The following MAP2K6 variants were observed in gnomAD, a reference collection of about 807,000 sequenced individuals.
The protein encoded by MAP2K6 is dual specificity mitogen-activated protein kinase kinase 6.
In MAP2K6, 16 loss-of-function variants were observed where a neutral mutation model predicts 53.7. The observed-to-expected ratio is 0.30, with a 90% confidence interval of 0.20 to 0.45. The LOEUF is 0.45. MAP2K6 is among the 20% of genes least tolerant of loss of function. The pLI is 1.00. For synonymous variants in MAP2K6, 132 were observed against 143.1 expected (o/e 0.92, Z 0.55); for missense variants, 204 against 411.9 (o/e 0.50, Z 4.37).
intron 1 of MAP2K6, among the ~76,000 whole-genome samples, chr17:69,415,508 C>A (rs1048704503): frequency 1.3e-5 from 2 of 152,240 alleles, no homozygotes; most frequent in African/African-American, 4.8e-5. Flanking sequence ...CCATTGATAT[C>A]GCCTTGAACA....
chr17:69,460,970 C>T (rs576325073), intron 1 of MAP2K6, among the ~76,000 whole-genome samples: 23 of 152,162 alleles, frequency 1.5e-4, no homozygotes, highest in South Asian at 2.1e-4. Context: ...GTGAGCCGCA[C>T]GGGGAAAGAA....
chr17:69,522,455 T>C (rs192259533), intron 7 of MAP2K6, among the ~76,000 whole-genome samples: 4 of 152,238 alleles, frequency 2.6e-5, no homozygotes, highest in Non-Finnish European at 4.4e-5. Context: ...AAGGGAAAAT[T>C]ATAAAGGATA....
chr17:69,425,918 C>G (rs1906260496), intron 1 of MAP2K6, among the ~76,000 whole-genome samples: 2 of 152,040 alleles, frequency 1.3e-5, no homozygotes, highest in South Asian at 4.1e-4. Flanking sequence ...CCTTGCGAGG[C>G]AGTCTTCACA....
At chr17:69,487,883 A>G (rs1908604732) in intron 1 of MAP2K6, among the ~76,000 whole-genome samples, 1 of 152,238 alleles carries the variant, frequency 6.6e-6, no homozygotes, top group Admixed American at 6.5e-5. Context: ...CCTACAACTT[A>G]AAGAAAATCT....
intron 2 of MAP2K6, among the ~76,000 whole-genome samples, chr17:69,510,037 G>A (rs867459325): frequency 2.0e-5 from 3 of 152,072 alleles, no homozygotes; most frequent in Middle Eastern, 3.2e-3. Flanking sequence ...TAGAGACGGG[G>A]TTTTGCCATG....
intron 1 of MAP2K6, among the ~76,000 whole-genome samples, chr17:69,501,989 A>G (rs1424068229): frequency 6.7e-6 from 1 of 149,774 alleles, no homozygotes; most frequent in Non-Finnish European, 1.5e-5. Context: ...GGGGGAACAG[A>G]TTGCTGTGAA....
intron 2 of MAP2K6, among the ~76,000 whole-genome samples, chr17:69,516,354 CT>C (rs1910143318): frequency 6.6e-6 from 1 of 152,054 alleles, no homozygotes; most frequent in African/African-American, 2.4e-5. Context: ...TCTAATGCCA[CT>C]GCTGATCTGA....
At chr17:69,517,245 G>T (rs1309202619) in intron 3 of MAP2K6, among the ~76,000 whole-genome samples, 1 of 151,852 alleles carries the variant, frequency 6.6e-6, no homozygotes, top group African/African-American at 2.4e-5. Flanking sequence ...CTTCAACTGA[G>T]ACATTGGCAA....
intron 1 of MAP2K6, among the ~76,000 whole-genome samples, chr17:69,473,495 A>C (rs917372919): frequency 6.6e-5 from 10 of 152,210 alleles, no homozygotes; most frequent in Admixed American, 5.2e-4. Context: ...GAATTTGGGT[A>C]ATTTCAGCTT....
intron 1 of MAP2K6, among the ~76,000 whole-genome samples, chr17:69,467,068 C>A (rs1907838139): frequency 6.6e-6 from 1 of 152,082 alleles, no homozygotes; most frequent in African/African-American, 2.4e-5. Flanking sequence ...TTGGTAATGA[C>A]TCATGAACTG....
Position 69,494,423 on chromosome 17 carries a change from A to G in MAP2K6, c.17-11357A>G, listed in dbSNP as rs1170882606. On this transcript the variant is annotated intron_variant, in intron 1 of 11. Coordinates refer to ENST00000590474, the MANE Select transcript of MAP2K6 (RefSeq NM_002758.4). The surrounding 1 kb of genome is among the most constrained non-coding windows in gnomAD (Gnocchi z 4.2). ...TGGGGCATGAAAATCGCTTGTACCC[A>G]GGAGGCAGAGGTTGCTGTGAGCCAA... 6.6e-6 allele frequency among the ~76,000 whole-genome samples: 1 copy of G among 151,800 alleles called. No individual in the cohort carries two copies. The highest frequency in any genetic ancestry group is 1.5e-5 in the Non-Finnish European group (1 of 67,922).
intron 1 of MAP2K6, among the ~76,000 whole-genome samples, chr17:69,426,265 G>A (rs1460722652): frequency 6.6e-6 from 1 of 152,198 alleles, no homozygotes; most frequent in Non-Finnish European, 1.5e-5. Context: ...CTCTTCCAGT[G>A]ATTAGCCATG....
intron 2 of MAP2K6, among the ~76,000 whole-genome samples, chr17:69,516,637 G>A (rs973723064): frequency 3.9e-5 from 6 of 152,124 alleles, no homozygotes; most frequent in African/African-American, 1.4e-4. Flanking sequence ...ATATCCCCAT[G>A]TTAAAGAAGA....
chr17:69,445,009 C>T (rs1165750889), intron 1 of MAP2K6, among the ~76,000 whole-genome samples: 3 of 152,334 alleles, frequency 2.0e-5, no homozygotes, highest in African/African-American at 7.2e-5. Context: ...CAACCTCTGC[C>T]ACCCGGGTTC....
At chr17:69,469,567 G>C (rs889737614) in intron 1 of MAP2K6, among the ~76,000 whole-genome samples, 1 of 152,062 alleles carries the variant, frequency 6.6e-6, no homozygotes, top group African/African-American at 2.4e-5. Context: ...TTCAAGACCA[G>C]CCTGGCCAAC....
At chr17:69,428,099 A>G (rs897757881) in intron 1 of MAP2K6, among the ~76,000 whole-genome samples, 1 of 152,356 alleles carries the variant, frequency 6.6e-6, no homozygotes, top group East Asian at 1.9e-4. Context: ...GACTGATACA[A>G]AAATGAACAG....
intron 8 of MAP2K6, 28 bp from the exon 9 acceptor site, chr17:69,524,873 G>T: frequency 6.4e-7 from 1 of 1,564,360 alleles, no homozygotes; most frequent in Non-Finnish European, 8.8e-7. Context: ...TGTCTTCCCA[G>T]TTTCTCAGTT....
At chr17:69,417,759 A>G (rs1905951451) in intron 1 of MAP2K6, among the ~76,000 whole-genome samples, 1 of 152,196 alleles carries the variant, frequency 6.6e-6, no homozygotes, top group African/African-American at 2.4e-5. Flanking sequence ...GAGAAAAACT[A>G]TTGTTATCAG....
chr17:69,430,046 G>A (rs1403836096), intron 1 of MAP2K6, among the ~76,000 whole-genome samples: 2 of 152,180 alleles, frequency 1.3e-5, no homozygotes, highest in East Asian at 1.9e-4. Context: ...AATAAAATAG[G>A]CCGGGCACAG....
Sources: allele counts gnomAD v4.1 joint callset (sites outside exome capture counted in the v4.1 genomes callset), GRCh38; gene constraint gnomAD v4.1.1; non-coding constraint Gnocchi (gnomAD v3.1); transcripts MANE v1.5; gene names NCBI Gene and HGNC (gene_info 2026-07-23, HGNC 2026-07-21).